The following NKAIN3 variants were observed in gnomAD, a reference collection of about 807,000 sequenced individuals.
NKAIN3 encodes sodium/potassium-transporting ATPase subunit beta-1-interacting protein 3.
A neutral mutation model predicts 30.2 loss-of-function variants in NKAIN3; 25 were observed. That is an observed-to-expected ratio of 0.83 (90% CI 0.60 to 1.16). The LOEUF (loss-of-function observed/expected upper bound fraction) is 1.16. Ranked by LOEUF, NKAIN3 falls within the 50% of genes most tolerant of loss-of-function variation. The probability of loss-of-function intolerance (pLI) is 0.00; values close to 1 mark genes in which losing one functional copy is unlikely to be tolerated. For synonymous variants in NKAIN3, 91 were observed against 89.6 expected (o/e 1.02, Z -0.09); for missense variants, 225 against 254.1 (o/e 0.89, Z 0.78).
chr8:62,541,144 A>C (rs902726648), intron 1 of NKAIN3, among the ~76,000 whole-genome samples: 4 of 151,576 alleles, frequency 2.6e-5, no homozygotes, highest in African/African-American at 4.9e-5. Context: ...ACCCGGTCTC[A>C]ACTAAAAATA....
intron 1 of NKAIN3, among the ~76,000 whole-genome samples, chr8:62,384,432 C>T (rs1817364657): frequency 6.6e-6 from 1 of 152,100 alleles, no homozygotes; most frequent in African/African-American, 2.4e-5. Context: ...TATTCATACA[C>T]ATTTTATAAT....
At chr8:62,618,252 A>G (rs1811520679) in intron 3 of NKAIN3, among the ~76,000 whole-genome samples, 1 of 152,216 alleles carries the variant, frequency 6.6e-6, no homozygotes, top group South Asian at 2.1e-4. Context: ...TAGTGAAGAC[A>G]CACAAAATGA....
intron 1 of NKAIN3, among the ~76,000 whole-genome samples, chr8:62,368,516 C>A (rs2129593047): frequency 6.7e-6 from 1 of 149,544 alleles, no homozygotes; most frequent in South Asian, 2.2e-4. Context: ...TTGTCAGAAT[C>A]AAAATGAAGG....
rs531087380 is a variant in NKAIN3, at chr8:62,922,781, T to C, written c.532+4268T>C. 4.6e-5 allele frequency among the ~76,000 whole-genome samples: 7 copies of C among 151,984 alleles called. No homozygotes were observed. The South Asian group carries it at 1.0e-3, about 23-fold the overall frequency. ...TTTGGTAACTATCTAGTTGGTTGCATGTAACTGTCCTAAAGGCTGATTCTC... is the reference window on the plus strand; with the variant it reads ...TTTGGTAACTATCTAGTTGGTTGCACGTAACTGTCCTAAAGGCTGATTCTC... On this transcript the variant is annotated intron_variant, in intron 5 of 6. Transcript: ENST00000623646.
rs1823956530 is a variant in NKAIN3 at position 62,976,962 on chromosome 8, G to A, written c.*11555G>A. 6.6e-6 allele frequency among the ~76,000 whole-genome samples: 1 copy of A among 152,166 alleles called. No individual in the cohort carries two copies. Among genetic ancestry groups the A allele is most frequent in the Non-Finnish European group, 1.5e-5 (1 of 68,026 alleles). On this transcript the variant is annotated 3_prime_UTR_variant, in exon 7 of 7. Coordinates refer to ENST00000623646, the MANE Select transcript of NKAIN3 (RefSeq NM_001304533.3). ...TGTGAAGCTCAGTTTGGCTGGATATGAAATTCTGGGTTGAAAATTCTTTTC... is the reference window on the plus strand; with the variant it reads ...TGTGAAGCTCAGTTTGGCTGGATATAAAATTCTGGGTTGAAAATTCTTTTC...
chr8:62,404,308 G>A (rs962548983), intron 1 of NKAIN3, among the ~76,000 whole-genome samples: 1 of 152,164 alleles, frequency 6.6e-6, no homozygotes, highest in African/African-American at 2.4e-5. Flanking sequence ...GCATGATTGT[G>A]TTTTGAAATG....
intron 4 of NKAIN3, among the ~76,000 whole-genome samples, chr8:62,879,142 T>C (rs1820893689): frequency 6.6e-6 from 1 of 152,180 alleles, no homozygotes; most frequent in African/African-American, 2.4e-5. Context: ...TGTAAAAGTG[T>C]TCCTATTTCT....
intron 1 of NKAIN3, among the ~76,000 whole-genome samples, chr8:62,548,229 A>T (rs1414685871): frequency 6.6e-6 from 1 of 152,222 alleles, no homozygotes; most frequent in Non-Finnish European, 1.5e-5. Context: ...TCAACTAGCT[A>T]GAGTTGAACT....
intron 3 of NKAIN3, among the ~76,000 whole-genome samples, chr8:62,618,429 T>A (rs1317490669): frequency 2.0e-5 from 3 of 152,052 alleles, no homozygotes; most frequent in Admixed American, 6.6e-5. Flanking sequence ...AATCACAAAG[T>A]CAAGCCAGTT....
intron 1 of NKAIN3, among the ~76,000 whole-genome samples, chr8:62,479,863 C>T (rs1209083162): frequency 1.3e-5 from 2 of 152,078 alleles, no homozygotes; most frequent in Non-Finnish European, 2.9e-5. Flanking sequence ...ATTTCTGCTC[C>T]CCGCCTTTCC....
intron 4 of NKAIN3, among the ~76,000 whole-genome samples, chr8:62,859,126 G>A (rs1009124251): frequency 2.0e-5 from 3 of 152,160 alleles, no homozygotes; most frequent in Admixed American, 6.5e-5. Flanking sequence ...TGGGAGAAGC[G>A]TGGTTTCCCA....
intron 3 of NKAIN3, among the ~76,000 whole-genome samples, chr8:62,655,239 C>A (rs1464140226): frequency 1.3e-5 from 2 of 152,148 alleles, no homozygotes; most frequent in Non-Finnish European, 2.9e-5. Flanking sequence ...ATGAGTCCAC[C>A]TCTGCCTCAT....
downstream of NKAIN3, among the ~76,000 whole-genome samples, chr8:62,987,980 T>C (rs1422981610): frequency 6.6e-6 from 1 of 152,220 alleles, no homozygotes; most frequent in Admixed American, 6.5e-5. Flanking sequence ...ACTCCTGTTC[T>C]AAATTGGAGA....
chr8:62,987,156 G>A (rs191410019), downstream of NKAIN3, among the ~76,000 whole-genome samples: 352 of 152,274 alleles, frequency 2.3e-3, no homozygotes, highest in Non-Finnish European at 4.2e-3. Flanking sequence ...GGAGGCCGAG[G>A]TGGCTGAATC....
chr8:62,357,992 C>A (rs1295870091), intron 1 of NKAIN3, among the ~76,000 whole-genome samples: 1 of 152,090 alleles, frequency 6.6e-6, no homozygotes, highest in Non-Finnish European at 1.5e-5. Flanking sequence ...GGACTAAATT[C>A]AACACCAAGA....
Position 62,647,286 on chromosome 8 carries a change from A to G in NKAIN3, c.273+57492A>G, listed in dbSNP as rs1466286387. ...CTAAAATTCTTGAGAGAAAATAGTA[A>G]ATGTTCTGGGACTCCATGCAGATGA... On this transcript the variant is annotated intron_variant, in intron 3 of 6. Coordinates refer to ENST00000623646, the MANE Select transcript of NKAIN3 (RefSeq NM_001304533.3). 2.0e-5 allele frequency among the ~76,000 whole-genome samples: 3 copies of G among 152,162 alleles called. No individual in the cohort carries two copies. The East Asian group carries it at 5.8e-4, about 29-fold the overall frequency.
intron 1 of NKAIN3, among the ~76,000 whole-genome samples, chr8:62,562,931 G>A (rs181537669): frequency 5.0e-4 from 76 of 152,134 alleles, no homozygotes; most frequent in African/African-American, 1.7e-3. Context: ...CCGTAACCCT[G>A]TCTCCTGTCG....
intron 3 of NKAIN3, among the ~76,000 whole-genome samples, chr8:62,590,448 G>A (rs888691805): frequency 5.3e-5 from 8 of 151,772 alleles, no homozygotes; most frequent in Admixed American, 4.6e-4. Context: ...CCACCCAAAT[G>A]TAAGAACAAC....
chr8:62,746,228 G>T (rs1021880343), intron 3 of NKAIN3, among the ~76,000 whole-genome samples: 16 of 152,124 alleles, frequency 1.1e-4, no homozygotes, highest in Non-Finnish European at 1.0e-4. Context: ...TGCTTCTATG[G>T]TCACATTGCC....
Sources: gnomAD v4.1 joint callset for allele counts (sites outside exome capture counted in the v4.1 genomes callset) on GRCh38, gnomAD v4.1.1 for gene constraint, MANE v1.5 for transcripts, NCBI Gene and HGNC (gene_info 2026-07-23, HGNC 2026-07-21) for gene names.